The following CRB1 variants were observed in gnomAD, a reference collection of about 807,000 sequenced individuals.
The protein encoded by CRB1 is crumbs cell polarity complex component 1.
Under a neutral mutation model 120.0 loss-of-function variants are expected in CRB1, and 83 were observed. That is an observed-to-expected ratio of 0.69 (90% CI 0.58 to 0.83). The LOEUF is 0.83. CRB1 is among the 40% of genes least tolerant of loss of function. The probability of loss-of-function intolerance (pLI) is 0.00; values close to 1 mark genes in which losing one functional copy is unlikely to be tolerated. For missense variants in CRB1, 1,699 were observed against 1,687.6 expected (o/e 1.01, Z -0.12); for synonymous variants, 625 against 612.5 (o/e 1.02, Z -0.30).
intron 5 of CRB1, among the ~76,000 whole-genome samples, chr1:197,391,914 G>A (rs527886501): frequency 1.3e-5 from 2 of 152,156 alleles, no homozygotes; most frequent in African/African-American, 2.4e-5. Context: ...TCCAGGTCTC[G>A]ATGTGGTAGG....
chr1:197,248,006 T>C, the CRB1 span, among the ~76,000 whole-genome samples: 1 of 152,018 alleles, frequency 6.6e-6, no homozygotes, highest in Non-Finnish European at 1.5e-5. Flanking sequence ...TGTAAATGTT[T>C]CCATTTAAAA....
At chr1:197,270,471 A>G (rs1262230703) in intron 1 of CRB1, among the ~76,000 whole-genome samples, 5 of 152,322 alleles carry the variant, frequency 3.3e-5, no homozygotes, top group Non-Finnish European at 5.9e-5. Flanking sequence ...TTTCAAATAC[A>G]GGTAACCAGA....
chr1:197,237,343 G>A, the CRB1 span, among the ~76,000 whole-genome samples: 14 of 152,276 alleles, frequency 9.2e-5, no homozygotes, highest in South Asian at 2.9e-3. Flanking sequence ...CAAGGCACCA[G>A]CAAATCTGAT....
At chr1:197,237,424 C>T in the CRB1 span, among the ~76,000 whole-genome samples, 9 of 152,130 alleles carry the variant, frequency 5.9e-5, no homozygotes, top group East Asian at 1.9e-4. Context: ...AGGGGCAAGG[C>T]GGCTCCCTTC....
chr1:197,202,074 T>C, the CRB1 span, among the ~76,000 whole-genome samples: 4 of 152,106 alleles, frequency 2.6e-5, no homozygotes, highest in African/African-American at 4.8e-5. Context: ...GAGCGTGTGA[T>C]TTTACAGGCA....
upstream of CRB1, among the ~76,000 whole-genome samples, chr1:197,266,087 C>A (rs567860498): frequency 6.6e-6 from 1 of 152,308 alleles, no homozygotes; most frequent in South Asian, 2.1e-4. Context: ...ATTTGCCCAA[C>A]TGCTTTAGGC....
chr1:197,407,889 A>T (rs1663497082), intron 5 of CRB1, among the ~76,000 whole-genome samples: 1 of 152,214 alleles, frequency 6.6e-6, no homozygotes, highest in Admixed American at 6.5e-5. Flanking sequence ...CCAGGTTTAC[A>T]ACCTTTGCAT....
chr1:197,343,869 A>T (rs1237804367), intron 2 of CRB1, among the ~76,000 whole-genome samples: 1 of 152,220 alleles, frequency 6.6e-6, no homozygotes, highest in Non-Finnish European at 1.5e-5. Context: ...CTGTGCCAGG[A>T]TCCCGACCCA....
intron 1 of CRB1, among the ~76,000 whole-genome samples, chr1:197,284,544 T>C (rs140853309): frequency 5.2e-4 from 79 of 152,046 alleles, no homozygotes; most frequent in African/African-American, 1.8e-3. Context: ...GAGTTACACA[T>C]GCTTAGTCAT....
intron 11 of CRB1, among the ~76,000 whole-genome samples, chr1:197,451,348 GAGC>G (rs1665963772): frequency 6.6e-6 from 1 of 152,136 alleles, no homozygotes; most frequent in South Asian, 2.1e-4. Context: ...AATTTTAGTT[GAGC>G]AAAGTGTAGT....
At chr1:197,355,064 C>T (rs1301149889) in intron 4 of CRB1, among the ~76,000 whole-genome samples, 3 of 151,616 alleles carry the variant, frequency 2.0e-5, no homozygotes, top group African/African-American at 7.3e-5. Context: ...TACAGAGTGC[C>T]TATTGTTGCA....
intron 5 of CRB1, among the ~76,000 whole-genome samples, chr1:197,393,729 C>T (rs1316148255): frequency 6.6e-6 from 1 of 152,112 alleles, no homozygotes; most frequent in Non-Finnish European, 1.5e-5. Context: ...TCATAGCCCA[C>T]TATAACCTCT....
intron 5 of CRB1, among the ~76,000 whole-genome samples, chr1:197,395,128 T>C (rs946332615): frequency 1.3e-5 from 2 of 152,152 alleles, no homozygotes; most frequent in African/African-American, 4.8e-5. Context: ...AGCTGGAATC[T>C]AAATACAGCT....
intron 5 of CRB1, among the ~76,000 whole-genome samples, chr1:197,396,276 A>G (rs1042518260): frequency 5.3e-5 from 8 of 152,166 alleles, no homozygotes; most frequent in African/African-American, 1.9e-4. Context: ...CAATAGTAGC[A>G]AGATTAGAAT....
At chr1:197,228,095 A>G in the CRB1 span, among the ~76,000 whole-genome samples, 1 of 152,022 alleles carries the variant, frequency 6.6e-6, no homozygotes, top group Non-Finnish European at 1.5e-5. Context: ...CTTTCCTCCT[A>G]GGCTTCTGGG....
intron 2 of CRB1, among the ~76,000 whole-genome samples, chr1:197,335,994 T>G (rs941107284): frequency 6.6e-6 from 1 of 152,268 alleles, no homozygotes; most frequent in Non-Finnish European, 1.5e-5. Flanking sequence ...CTAACAAGAA[T>G]GCAGTCTTTC....
At chr1:197,453,838 T>A (rs1344369584) in intron 11 of CRB1, among the ~76,000 whole-genome samples, 2 of 142,918 alleles carry the variant, frequency 1.4e-5, no homozygotes, top group Non-Finnish European at 3.0e-5. Flanking sequence ...ATTAATATAT[T>A]ATCAATATTA....
chr1:197,285,422 A>G (rs542963756), intron 1 of CRB1, among the ~76,000 whole-genome samples: 26 of 151,980 alleles, frequency 1.7e-4, no homozygotes, highest in Admixed American at 1.6e-3. Context: ...AGTGGGATGT[A>G]CAACAGACTA....
At chr1:197,213,051 A>G in the CRB1 span, among the ~76,000 whole-genome samples, 1 of 152,218 alleles carries the variant, frequency 6.6e-6, no homozygotes, top group Non-Finnish European at 1.5e-5. Flanking sequence ...CTATACCAAA[A>G]TGCAAACAAA....
Sources: allele counts gnomAD v4.1 joint callset (sites outside exome capture counted in the v4.1 genomes callset), GRCh38; gene constraint gnomAD v4.1.1; transcripts MANE v1.5; gene names NCBI Gene and HGNC (gene_info 2026-07-23, HGNC 2026-07-21).